The following PLEKHD1 variants were observed in gnomAD, a reference collection of about 807,000 sequenced individuals.
PLEKHD1 encodes pleckstrin homology and coiled-coil domain containing D1, also known as pleckstrin homology domain-containing family D member 1.
Under a neutral mutation model 69.2 loss-of-function variants are expected in PLEKHD1, and 51 were observed. That is an observed-to-expected ratio of 0.74 (90% CI 0.59 to 0.93). PLEKHD1 has a LOEUF of 0.93. Ranked by LOEUF, PLEKHD1 falls within the 40% of genes least tolerant of loss-of-function variation. The probability of loss-of-function intolerance (pLI) is 0.00; values close to 1 mark genes in which losing one functional copy is unlikely to be tolerated. For missense variants in PLEKHD1, 584 were observed against 641.0 expected (o/e 0.91, Z 0.96); for synonymous variants, 236 against 244.7 (o/e 0.96, Z 0.33).
the PLEKHD1 span, among the ~76,000 whole-genome samples, chr14:69,471,931 A>G: frequency 6.6e-6 from 1 of 152,214 alleles, no homozygotes; most frequent in Admixed American, 6.5e-5. Context: ...AGGCTTCCAG[A>G]GCTTAAGGTT....
the PLEKHD1 span, among the ~76,000 whole-genome samples, chr14:69,471,911 A>T: frequency 2.0e-5 from 3 of 152,208 alleles, no homozygotes; most frequent in Admixed American, 1.3e-4. Flanking sequence ...TAATTACCAG[A>T]TAAACTCTTA....
chr14:69,484,841 C>G lies in PLEKHD1; in HGVS notation c.-125C>G. ...GCGCTTTGATGCTGCAGCTCCGGGCCGGGCCGCTCTGCTTCTCTGCTCGCT... is the reference window on the plus strand; with the variant it reads ...GCGCTTTGATGCTGCAGCTCCGGGCGGGGCCGCTCTGCTTCTCTGCTCGCT... On this transcript the variant is annotated 5_prime_UTR_variant, in exon 1 of 13. Coordinates refer to ENST00000322564, the MANE Select transcript of PLEKHD1 (RefSeq NM_001161498.2). 3 of 1,181,376 alleles carry G rather than the reference C, an allele frequency of 2.5e-6. No homozygotes were observed. The South Asian group carries it at 4.6e-5, about 18-fold the overall frequency. The allele number at this position is 1,181,376 out of a possible 1,614,324, so 73.2% of individuals were successfully genotyped here.
intron 6 of PLEKHD1, among the ~76,000 whole-genome samples, chr14:69,520,306 G>GAGGGAA (rs1883484974): frequency 6.6e-6 from 1 of 151,936 alleles, no homozygotes; most frequent in Non-Finnish European, 1.5e-5. Context: ...CCACTGAGGA[G>GAGGGAA]AGGGAATATG....
At chr14:69,474,847 G>T in the PLEKHD1 span, among the ~76,000 whole-genome samples, 3 of 152,116 alleles carry the variant, frequency 2.0e-5, no homozygotes, top group Non-Finnish European at 2.9e-5. Flanking sequence ...TAGATGTCCT[G>T]GTCACCCCCT....
At chr14:69,522,488 G>A in intron 7 of PLEKHD1, 111 bp downstream of exon 7, 1 of 1,160,668 alleles carries the variant, frequency 8.6e-7, no homozygotes, top group Non-Finnish European at 1.2e-6. Flanking sequence ...TCTTCCCAAG[G>A]CTCCAGGCTT....
At chr14:69,482,009 G>T (rs1304853100), upstream of PLEKHD1, among the ~76,000 whole-genome samples, 1 of 152,046 alleles carries the variant, frequency 6.6e-6, no homozygotes, top group Non-Finnish European at 1.5e-5. Flanking sequence ...CTGACCTGGT[G>T]CAGTCTGGGC....
upstream of PLEKHD1, among the ~76,000 whole-genome samples, chr14:69,480,965 T>C (rs1381224157): frequency 1.3e-5 from 2 of 152,216 alleles, no homozygotes; most frequent in Non-Finnish European, 2.9e-5. Context: ...AAATATAAGA[T>C]TGAAGAGATG....
intron 7 of PLEKHD1, among the ~76,000 whole-genome samples, chr14:69,523,987 T>G (rs960097965): frequency 2.0e-5 from 3 of 152,178 alleles, no homozygotes; most frequent in African/African-American, 7.2e-5. Context: ...CCTAGGTTTA[T>G]TCCAGGTGAC....
chr14:69,501,588 C>T, intron 4 of PLEKHD1, 146 bp from the exon 5 acceptor site: 1 of 614,812 alleles, frequency 1.6e-6, no homozygotes, highest in Admixed American at 3.0e-5. Flanking sequence ...CCATGGGTGC[C>T]AGAGTGAATG....
chr14:69,498,057 A>AT (rs1555337189), intron 1 of PLEKHD1, among the ~76,000 whole-genome samples: 2,353 of 124,436 alleles, frequency 0.019, 37 homozygotes, highest in Middle Eastern at 0.061. Context: ...ATTTTATTTT[A>AT]TTTATTTTAT....
intron 6 of PLEKHD1, among the ~76,000 whole-genome samples, chr14:69,515,395 A>G (rs545799779): frequency 4.6e-5 from 7 of 152,016 alleles, no homozygotes; most frequent in African/African-American, 1.7e-4. Flanking sequence ...TGTCAATTGC[A>G]GTTCAGGTTT....
intron 7 of PLEKHD1, 58 bp from the exon 8 acceptor site, chr14:69,524,171 T>G: frequency 1.5e-6 from 2 of 1,338,120 alleles, no homozygotes; most frequent in Non-Finnish European, 1.0e-6. Flanking sequence ...AGTGCAGAGG[T>G]GATTGGTGGG....
intron 6 of PLEKHD1, among the ~76,000 whole-genome samples, chr14:69,515,213 C>G (rs537382898): frequency 3.9e-5 from 6 of 152,182 alleles, no homozygotes; most frequent in African/African-American, 1.4e-4. Context: ...ACCAACCAAC[C>G]AACAAACAAA....
At chr14:69,470,984 GGTTTCACC>G in the PLEKHD1 span, among the ~76,000 whole-genome samples, 9 of 151,326 alleles carry the variant, frequency 5.9e-5, no homozygotes, top group Non-Finnish European at 1.3e-4. Flanking sequence ...GTAGAGGCGG[GGTTTCACC>G]GTTTTAGCCA....
chr14:69,469,179 C>CAGGG, the PLEKHD1 span, among the ~76,000 whole-genome samples: 1 of 149,520 alleles, frequency 6.7e-6, no homozygotes, highest in Non-Finnish European at 1.5e-5. Context: ...CACATGTACA[C>CAGGG]AGAGAGAGAG....
chr14:69,501,430 G>A (rs1019101393), intron 4 of PLEKHD1: 12 of 342,968 alleles, frequency 3.5e-5, no homozygotes, highest in Middle Eastern at 8.6e-4. Context: ...ACTGGGTAGC[G>A]GACATTCAGT....
the PLEKHD1 span, among the ~76,000 whole-genome samples, chr14:69,471,907 C>T: frequency 6.6e-6 from 1 of 152,164 alleles, no homozygotes; most frequent in African/African-American, 2.4e-5. Context: ...AAATTAATTA[C>T]CAGATAAACT....
At position 69,511,660 on chromosome 14, in the gene PLEKHD1, G is replaced by A. The variant is rs149527738; in HGVS notation, c.555+8781G>A. Among the ~76,000 whole-genome samples the A allele has an allele frequency of 5.6e-3, 848 of 151,672 alleles. 16 individuals carry two copies. The highest frequency in any genetic ancestry group is 0.04 in the Admixed American group (606 of 15,226). ...CTCCTGCCAGGTTCAAGGGATCCTCGTGCCTTAGTCTCCCAAGTAGCTGGG... is the reference window on the plus strand; with the variant it reads ...CTCCTGCCAGGTTCAAGGGATCCTCATGCCTTAGTCTCCCAAGTAGCTGGG... On this transcript the variant is annotated intron_variant, in intron 6 of 12. Coordinates refer to ENST00000322564, the MANE Select transcript of PLEKHD1 (RefSeq NM_001161498.2).
chr14:69,509,560 G>A (rs1883224031), intron 6 of PLEKHD1, among the ~76,000 whole-genome samples: 1 of 151,714 alleles, frequency 6.6e-6, no homozygotes, highest in South Asian at 2.1e-4. Context: ...TTTATTTTTT[G>A]TGAAAAGTGT....
Sources: gnomAD v4.1 joint callset for allele counts (sites outside exome capture counted in the v4.1 genomes callset) on GRCh38, gnomAD v4.1.1 for gene constraint, MANE v1.5 for transcripts, NCBI Gene and HGNC (gene_info 2026-07-23, HGNC 2026-07-21) for gene names.